The following UCK2 variants were observed in gnomAD, a reference collection of about 807,000 sequenced individuals.
The protein encoded by UCK2 is cytidine monophosphokinase 2.
In UCK2, 6 loss-of-function variants were observed where a neutral mutation model predicts 30.8. The ratio of observed to expected loss-of-function variants is 0.19; its 90% confidence interval spans 0.11 to 0.38. The LOEUF is 0.38. Ranked by LOEUF, UCK2 falls within the 10% of genes least tolerant of loss-of-function variation. The probability of loss-of-function intolerance (pLI) is 1.00; values close to 1 mark genes in which losing one functional copy is unlikely to be tolerated. For synonymous variants in UCK2, 125 were observed against 133.6 expected (o/e 0.94, Z 0.45); for missense variants, 210 against 339.8 (o/e 0.62, Z 3.00).
intron 1 of UCK2, among the ~76,000 whole-genome samples, chr1:165,875,341 A>G (rs912298165): frequency 2.0e-5 from 3 of 152,202 alleles, no homozygotes; most frequent in African/African-American, 7.2e-5. Context: ...TTAAAGGACT[A>G]TGTAGGGAAA....
chr1:165,894,650 T>C (rs1395578296), intron 3 of UCK2: 1 of 152,100 alleles, frequency 6.6e-6, no homozygotes, highest in Non-Finnish European at 1.5e-5. Context: ...TTCTAGGGCA[T>C]TTCCTAATCC....
At chr1:165,829,543 A>G (rs1252951635) in intron 1 of UCK2, among the ~76,000 whole-genome samples, 4 of 152,192 alleles carry the variant, frequency 2.6e-5, no homozygotes, top group African/African-American at 7.2e-5. Flanking sequence ...AAACTTGCAT[A>G]TGAGCTTTTA....
intron 4 of UCK2, chr1:165,897,994 ACT>A (rs1366526226): frequency 1.3e-5 from 2 of 151,878 alleles, no homozygotes; most frequent in Non-Finnish European, 2.9e-5. Flanking sequence ...TAGTGTCACG[ACT>A]CTGGCTGGGT....
intron 1 of UCK2, among the ~76,000 whole-genome samples, chr1:165,863,197 C>G (rs547326774): frequency 6.6e-6 from 1 of 152,228 alleles, no homozygotes; most frequent in Non-Finnish European, 1.5e-5. Flanking sequence ...GGGCTCATCT[C>G]TGGAGACACA....
At position 165,827,714 on chromosome 1, in the gene UCK2, C is replaced by A. The variant is rs1571258174; in HGVS notation, c.-120C>A. On this transcript the variant is annotated 5_prime_UTR_variant, in exon 1 of 7. Transcript: ENST00000367879. ...CGAGCGGCTCGCAGGCGAGCGACAG[C>A]GGCCTCAGCCCCGGCAGCGCCCAGC... 1 of 896,450 alleles carries A rather than the reference C, an allele frequency of 1.1e-6. No individual in the cohort carries two copies. The highest frequency in any genetic ancestry group is 1.5e-6 in the Non-Finnish European group (1 of 672,536). 55.5% of individuals were successfully genotyped at this position (896,450 alleles called of 1,614,324 possible).
intron 6 of UCK2, among the ~76,000 whole-genome samples, chr1:165,906,417 C>G (rs564132254): frequency 6.6e-6 from 1 of 152,308 alleles, no homozygotes; most frequent in Non-Finnish European, 1.5e-5. Context: ...CGAGGTCTTG[C>G]TCTGTCACCA....
In UCK2 at chr1:165,868,625, T is replaced by G. The variant is rs149925840; in HGVS notation, c.100-21579T>G. 1.8e-3 allele frequency among the ~76,000 whole-genome samples: 277 copies of G among 152,348 alleles called. 7 individuals are homozygous for G. In the East Asian group the frequency reaches 0.05, roughly 27 times the overall value. ...TAGCTTCAAACTTTTCTTGTGTGGC[T>G]TCCTCATCTTTCTCAGCCTTCATAG... is the stretch of plus-strand genomic sequence containing the variant. On this transcript the variant is annotated intron_variant, in intron 1 of 6. Transcript: ENST00000367879.
In UCK2 at chr1:165,905,942, A is replaced by G; in HGVS notation, c.619A>G (p.Ile207Val). 6.2e-7 allele frequency: 1 copy of G among 1,614,006 alleles called. No homozygotes were observed. Residue 207 changes from isoleucine (I) to valine (V), a missense_variant, in exon 6 of 7, where the codon ATC becomes GTC. This residue lies in a region of UCK2 where 47 missense variants were observed against 128.7 expected (regional missense o/e 0.37). Coordinates refer to ENST00000367879, the MANE Select transcript of UCK2 (RefSeq NM_012474.5). ...CLPTKKYADVIIPRGADNLVA... is the reference protein window; with the variant it reads ...CLPTKKYADVVIPRGADNLVA... ...ACAGACAAAGAAGTATGCTGATGTG[A>G]TCATCCCTAGAGGTGCAGATAATCT...
intron 1 of UCK2, among the ~76,000 whole-genome samples, chr1:165,843,459 T>C (rs1571266940): frequency 6.6e-6 from 1 of 152,296 alleles, no homozygotes; most frequent in Middle Eastern, 3.4e-3. Flanking sequence ...GGCTTTTAAC[T>C]TACTAAAAAG....
At chr1:165,875,777 C>T (rs769446462) in intron 1 of UCK2, among the ~76,000 whole-genome samples, 5 of 152,142 alleles carry the variant, frequency 3.3e-5, no homozygotes, top group African/African-American at 7.2e-5. Context: ...GAAAGAGGTG[C>T]GGAGTTTCCA....
chr1:165,889,104 C>CT lies in UCK2; in HGVS notation c.100-1098dup, dbSNP rs1655698125. On this transcript the variant is annotated intron_variant, in intron 1 of 6. Transcript: ENST00000367879. ...TTCATTTGGAGTTGGCTTCTCCACT[C>CT]TTGTTTGGGATACTCCTAAGTTGTT... is the stretch of plus-strand genomic sequence containing the variant. Among the ~76,000 whole-genome samples the CT allele has an allele frequency of 9.2e-5, 14 of 152,266 alleles. No homozygotes were observed. In the South Asian group the frequency reaches 2.9e-3, roughly 32 times the overall value.
intron 1 of UCK2, among the ~76,000 whole-genome samples, chr1:165,860,948 C>G (rs899537798): frequency 3.9e-5 from 6 of 152,072 alleles, no homozygotes; most frequent in African/African-American, 1.4e-4. Context: ...TAAAAGAAAG[C>G]ATCTGTCCAG....
intron 4 of UCK2, 67 bp from the exon 5 acceptor site, chr1:165,903,115 C>G (rs372074141): frequency 7.9e-7 from 1 of 1,259,546 alleles, no homozygotes; most frequent in South Asian, 1.3e-5. Flanking sequence ...TAGGTCCACC[C>G]CATGAAGGGC....
chr1:165,834,721 C>CT, intron 1 of UCK2, among the ~76,000 whole-genome samples: 1 of 152,110 alleles, frequency 6.6e-6, no homozygotes, highest in Non-Finnish European at 1.5e-5. Flanking sequence ...TTCTTTCTTT[C>CT]TTTTTTTGTT....
intron 1 of UCK2, among the ~76,000 whole-genome samples, chr1:165,872,375 G>A (rs914433231): frequency 1.3e-5 from 2 of 152,138 alleles, no homozygotes; most frequent in East Asian, 1.9e-4. Context: ...ATGCCTGGCC[G>A]TCTTTTAGGC....
At chr1:165,866,982 T>C (rs1209635721) in intron 1 of UCK2, among the ~76,000 whole-genome samples, 5 of 152,202 alleles carry the variant, frequency 3.3e-5, no homozygotes, top group Non-Finnish European at 7.3e-5. Context: ...TCGGAGATAT[T>C]GTGGTTTCAG....
chr1:165,833,367 A>G (rs1003307287), intron 1 of UCK2, among the ~76,000 whole-genome samples: 1 of 152,020 alleles, frequency 6.6e-6, no homozygotes, highest in African/African-American at 2.4e-5. Context: ...CCCCCAGCCA[A>G]GGATGTCCGC....
intron 1 of UCK2, 131 bp downstream of exon 1, chr1:165,828,063 C>A: frequency 1.8e-6 from 1 of 551,334 alleles, no homozygotes; most frequent in Non-Finnish European, 2.4e-6. Context: ...CCCGGCCGCG[C>A]TCCAGCGCCG....
At chr1:165,871,875 G>A (rs1017084897) in intron 1 of UCK2, among the ~76,000 whole-genome samples, 3 of 152,082 alleles carry the variant, frequency 2.0e-5, no homozygotes, top group Non-Finnish European at 4.4e-5. Flanking sequence ...AATTTGTGAG[G>A]CAAATGAGAA....
Sources: allele counts gnomAD v4.1 joint callset (sites outside exome capture counted in the v4.1 genomes callset), GRCh38; gene constraint gnomAD v4.1.1; regional missense constraint gnomAD v4.1.1; transcripts MANE v1.5; gene names NCBI Gene and HGNC (gene_info 2026-07-23, HGNC 2026-07-21).